SLC17A1: variants seen among roughly 807,000 people sequenced by gnomAD.
The protein encoded by SLC17A1 is solute carrier family 17 member 1.
SLC17A1 carries 51 observed loss-of-function variants against 53.5 expected under a neutral mutation model. The ratio of observed to expected loss-of-function variants is 0.95; its 90% confidence interval spans 0.76 to 1.20. SLC17A1 has a LOEUF of 1.20. Ranked by LOEUF, SLC17A1 falls within the 50% of genes most tolerant of loss-of-function variation. The pLI, the probability that SLC17A1 is intolerant of heterozygous loss-of-function variation, is 0.00. For missense variants in SLC17A1, 538 were observed against 568.2 expected, an observed-to-expected ratio of 0.95 and a Z score of 0.54; for synonymous variants, 179 against 198.8, an observed-to-expected ratio of 0.90 and a Z score of 0.84.
the SLC17A1 span, chr6:25,727,104 T>A: frequency 1.9e-6 from 3 of 1,614,128 alleles, no homozygotes; most frequent in African/African-American, 4.0e-5. Flanking sequence ...CATTATGAAT[T>A]CCTTCGTCAC....
At chr6:25,758,722 TTA>T in the SLC17A1 span, among the ~76,000 whole-genome samples, 1 of 129,470 alleles carries the variant, frequency 7.7e-6, no homozygotes, top group Non-Finnish European at 1.7e-5. Context: ...GCAATTTTAT[TTA>T]TCTTTTCAAA....
At chr6:25,807,519 A>C (rs1406629252) in intron 10 of SLC17A1, among the ~76,000 whole-genome samples, 1 of 151,964 alleles carries the variant, frequency 6.6e-6, no homozygotes, top group Non-Finnish European at 1.5e-5. Flanking sequence ...ACAGGGATAC[A>C]TTCTTTAGTG....
At chr6:25,793,954 A>T (rs1195582995) in intron 12 of SLC17A1, among the ~76,000 whole-genome samples, 1 of 152,220 alleles carries the variant, frequency 6.6e-6, no homozygotes, top group African/African-American at 2.4e-5. Flanking sequence ...AATAGAGCCA[A>T]GCAGTCATTT....
At chr6:25,733,124 A>T in the SLC17A1 span, among the ~76,000 whole-genome samples, 4 of 152,324 alleles carry the variant, frequency 2.6e-5, no homozygotes, top group African/African-American at 9.6e-5. Context: ...GAACTGTTTC[A>T]GCACCTACTT....
the SLC17A1 span, chr6:25,726,026 G>GT: frequency 1.0e-6 from 1 of 997,084 alleles, no homozygotes; most frequent in Admixed American, 2.4e-5. Flanking sequence ...GTTAACAGCA[G>GT]TAACGTTTTG....
the SLC17A1 span, chr6:25,731,743 C>A: frequency 2.9e-6 from 4 of 1,376,284 alleles, no homozygotes; most frequent in Non-Finnish European, 4.0e-6. Flanking sequence ...CTTAAAAGAG[C>A]CTTTGGTTTG....
downstream of SLC17A1, among the ~76,000 whole-genome samples, chr6:25,778,446 C>A (rs1191754620): frequency 6.6e-6 from 1 of 152,116 alleles, no homozygotes; most frequent in Non-Finnish European, 1.5e-5. Flanking sequence ...CCCTCCCAGG[C>A]ACTAGCATAC....
the SLC17A1 span, chr6:25,726,817 A>G: frequency 6.3e-6 from 9 of 1,424,698 alleles, no homozygotes; most frequent in South Asian, 7.0e-5. Flanking sequence ...GGTCATTTGG[A>G]GCTGTTTAAT....
the SLC17A1 span, among the ~76,000 whole-genome samples, chr6:25,724,299 C>A: frequency 1.3e-5 from 2 of 151,978 alleles, no homozygotes; most frequent in African/African-American, 2.4e-5. Context: ...GGCAGGCGCC[C>A]GTAATCCCAG....
At chr6:25,727,387 C>T in the SLC17A1 span, 5 of 1,045,116 alleles carry the variant, frequency 4.8e-6, no homozygotes, top group Admixed American at 2.9e-5. Flanking sequence ...TGTGTAGTTT[C>T]TAACCGTAAG....
chr6:25,763,516 T>C, the SLC17A1 span, among the ~76,000 whole-genome samples: 1 of 152,210 alleles, frequency 6.6e-6, no homozygotes, highest in Admixed American at 6.5e-5. Flanking sequence ...CTGGATCTTC[T>C]GTATTAGACT....
chr6:25,752,357 T>C, the SLC17A1 span, among the ~76,000 whole-genome samples: 1 of 152,038 alleles, frequency 6.6e-6, no homozygotes, highest in Non-Finnish European at 1.5e-5. Flanking sequence ...AAAGGTACAG[T>C]AAAAAGATAA....
chr6:25,811,417 C>T lies in SLC17A1; in HGVS notation c.1159G>A (p.Gly387Ser). Reference protein sequence around the residue: ...SFCLGGVFINGLDIAPRYFGF... With the variant: ...SFCLGGVFINSLDIAPRYFGF... ...TCCTACCTGGGAGCAATATCCAAGC[C>T]ATTTATAAACACTCCACCCAAGCAA... Residue 387 changes from glycine (G) to serine (S), a missense_variant, in exon 10 of 13, where the codon GGC (glycine) becomes AGC (serine). By Grantham distance (56) the Gly-to-Ser change is moderately conservative (BLOSUM62 0). Coordinates refer to ENST00000244527, the MANE Select transcript of SLC17A1 (RefSeq NM_005074.5). 1 of 1,612,222 alleles carries T rather than the reference C, an allele frequency of 6.2e-7. No individual in the cohort carries two copies. The highest frequency in any genetic ancestry group is 8.5e-7 in the Non-Finnish European group (1 of 1,178,964).
chr6:25,822,971 T>A (rs1561842543), intron 3 of SLC17A1, among the ~76,000 whole-genome samples: 4 of 151,960 alleles, frequency 2.6e-5, no homozygotes, highest in Non-Finnish European at 5.9e-5. Context: ...CCTCCTGCCC[T>A]CCCCCACCAC....
the SLC17A1 span, among the ~76,000 whole-genome samples, chr6:25,729,494 C>T: frequency 6.6e-6 from 1 of 152,176 alleles, no homozygotes; most frequent in Non-Finnish European, 1.5e-5. Context: ...GGAGTCTTCC[C>T]AGAGGACCCG....
chr6:25,806,068 T>C (rs1483929801), intron 10 of SLC17A1, among the ~76,000 whole-genome samples: 1 of 151,882 alleles, frequency 6.6e-6, no homozygotes, highest in Non-Finnish European at 1.5e-5. Context: ...GAAAAGGCTA[T>C]AACAGAAAAA....
chr6:25,798,807 T>G lies in SLC17A1; in HGVS notation c.1382A>C (p.Glu461Ala). 1 of 1,609,080 alleles carries G rather than the reference T, an allele frequency of 6.2e-7. No individual in the cohort carries two copies. The highest frequency in any genetic ancestry group is 8.5e-7 in the Non-Finnish European group (1 of 1,176,764). Residue 461 changes from glutamate to alanine, a missense_variant, in exon 12 of 13, where the codon GAA becomes GCA. Physicochemically the swap from Glu to Ala is moderately radical, Grantham distance 107 (BLOSUM62 -1). Coordinates refer to ENST00000244527, the MANE Select transcript of SLC17A1 (RefSeq NM_005074.5). ...CCTTCAGAGACGTGTGTGTTGTTTT[T>G]CTTTAGCCCAGTCCTGAATTTCTGC... ...ATAEIQDWAKEKQHTRL is the reference protein window; with the variant it reads ...ATAEIQDWAKAKQHTRL
the SLC17A1 span, among the ~76,000 whole-genome samples, chr6:25,746,306 G>C: frequency 2.0e-5 from 3 of 152,118 alleles, no homozygotes; most frequent in Admixed American, 2.0e-4. Context: ...GGAGCCTCAT[G>C]GAGTTCCTCT....
At chr6:25,798,086 T>C (rs1264713073) in intron 12 of SLC17A1, among the ~76,000 whole-genome samples, 2 of 152,198 alleles carry the variant, frequency 1.3e-5, no homozygotes, top group African/African-American at 4.8e-5. Context: ...AGGTATACAA[T>C]GTCTTCATGC....
Sources: gnomAD v4.1 joint callset for allele counts (sites outside exome capture counted in the v4.1 genomes callset) on GRCh38, gnomAD v4.1.1 for gene constraint, MANE v1.5 for transcripts, NCBI Gene and HGNC (gene_info 2026-07-23, HGNC 2026-07-21) for gene names.